The following LRCH1 variants were observed in gnomAD, a reference collection of about 807,000 sequenced individuals.
LRCH1 encodes leucine-rich repeat and calponin homology domain-containing protein 1.
A neutral mutation model predicts 94.9 loss-of-function variants in LRCH1; 23 were observed. That is an observed-to-expected ratio of 0.24 (90% CI 0.17 to 0.34). LRCH1 has a LOEUF of 0.34. Among genes scored for constraint, LRCH1 ranks in the 10% least tolerant of loss-of-function variants. The pLI is 1.00. For missense variants in LRCH1, 790 were observed against 945.9 expected (o/e 0.84, Z 2.16); for synonymous variants, 364 against 354.9 (o/e 1.03, Z -0.29).
intron 1 of LRCH1, among the ~76,000 whole-genome samples, chr13:46,586,840 G>C (rs1355166211): frequency 6.6e-6 from 1 of 152,240 alleles, no homozygotes; most frequent in Non-Finnish European, 1.5e-5. Context: ...GGCATGAGCA[G>C]CTTTCTCAGG....
At chr13:46,605,927 G>A (rs1354189214) in intron 1 of LRCH1, among the ~76,000 whole-genome samples, 1 of 152,140 alleles carries the variant, frequency 6.6e-6, no homozygotes, top group African/African-American at 2.4e-5. Context: ...GATATTGTCG[G>A]GTTCAATATT....
chr13:46,571,238 A>G, intron 1 of LRCH1, among the ~76,000 whole-genome samples: 1 of 152,234 alleles, frequency 6.6e-6, no homozygotes, highest in Admixed American at 6.5e-5. Context: ...CGAGTCATCC[A>G]GCATGAGGGA....
chr13:46,554,078 T>A (rs1331084158), intron 1 of LRCH1, among the ~76,000 whole-genome samples: 1 of 152,236 alleles, frequency 6.6e-6, no homozygotes, highest in East Asian at 1.9e-4. Flanking sequence ...CTGTGTCGGC[T>A]TCCTGGGCCC....
At chr13:46,689,466 A>G (rs1484774017) in intron 7 of LRCH1, among the ~76,000 whole-genome samples, 2 of 152,180 alleles carry the variant, frequency 1.3e-5, no homozygotes, top group Non-Finnish European at 2.9e-5. Context: ...CACATTATCT[A>G]AAATATTATT....
chr13:46,713,948 A>G (rs1008178198), intron 15 of LRCH1, among the ~76,000 whole-genome samples: 1 of 152,344 alleles, frequency 6.6e-6, no homozygotes, highest in African/African-American at 2.4e-5. Flanking sequence ...GAGCAAATCA[A>G]AAGTTGAATG....
intron 2 of LRCH1, among the ~76,000 whole-genome samples, chr13:46,654,652 C>T (rs1265586948): frequency 2.0e-5 from 3 of 152,098 alleles, no homozygotes; most frequent in South Asian, 2.1e-4. Flanking sequence ...ATGGGGAAGT[C>T]GGTGTGAATT....
intron 1 of LRCH1, among the ~76,000 whole-genome samples, chr13:46,582,536 G>A (rs2050382224): frequency 1.3e-5 from 2 of 148,780 alleles, no homozygotes; most frequent in African/African-American, 5.0e-5. Context: ...CCCTGCTGGA[G>A]TGCAGTGACA....
intron 1 of LRCH1, among the ~76,000 whole-genome samples, chr13:46,591,998 A>T (rs910112839): frequency 6.6e-6 from 1 of 152,214 alleles, no homozygotes; most frequent in Non-Finnish European, 1.5e-5. Flanking sequence ...ATTGGAATCA[A>T]AAATAGAGTA....
At chr13:46,593,041 G>C (rs1258531990) in intron 1 of LRCH1, among the ~76,000 whole-genome samples, 3 of 151,370 alleles carry the variant, frequency 2.0e-5, no homozygotes, top group African/African-American at 7.3e-5. Flanking sequence ...CCCCAATGTA[G>C]CCTTTCCTGC....
intron 1 of LRCH1, among the ~76,000 whole-genome samples, chr13:46,571,412 G>A (rs1049425642): frequency 6.6e-5 from 10 of 152,196 alleles, no homozygotes; most frequent in East Asian, 1.9e-4. Context: ...TTCAAGTGGC[G>A]ACGAGTACCA....
intron 18 of LRCH1, among the ~76,000 whole-genome samples, chr13:46,730,049 A>C (rs1873021965): frequency 6.6e-6 from 1 of 152,218 alleles, no homozygotes; most frequent in African/African-American, 2.4e-5. Context: ...ATGGTTGTTC[A>C]GATGAAAGTG....
intron 1 of LRCH1, among the ~76,000 whole-genome samples, chr13:46,623,693 G>T (rs199913276): frequency 2.8e-4 from 36 of 128,490 alleles, no homozygotes; most frequent in South Asian, 2.0e-3. Context: ...CCCTGTCTCT[G>T]TTTTTTTTTT....
chr13:46,742,092 C>T lies in LRCH1; in HGVS notation c.*244C>T, dbSNP rs1015201125. 1.5e-5 allele frequency: 20 copies of T among 1,348,626 alleles called. No homozygotes were observed. Among genetic ancestry groups the T allele is most frequent in the Admixed American group, 3.2e-5 (1 of 30,972 alleles). The allele number at this position is 1,348,626 out of a possible 1,614,324, so 83.5% of individuals were successfully genotyped here. ...CGACGACTGCAAAGTGTATGCACAC[C>T]GCATGCTTCCTCATCCACATAGTGC... On this transcript the variant is annotated 3_prime_UTR_variant, in exon 20 of 20. Transcript: ENST00000389797.
At chr13:46,579,772 G>A (rs889702807) in intron 1 of LRCH1, among the ~76,000 whole-genome samples, 1 of 152,202 alleles carries the variant, frequency 6.6e-6, no homozygotes, top group Non-Finnish European at 1.5e-5. Context: ...CCTGAGTAAT[G>A]CGAACATCTG....
intron 1 of LRCH1, among the ~76,000 whole-genome samples, chr13:46,617,487 A>T (rs1330524132): frequency 1.3e-5 from 2 of 152,170 alleles, no homozygotes; most frequent in African/African-American, 4.8e-5. Flanking sequence ...GGGTCATGTG[A>T]GCTGCACATT....
intron 1 of LRCH1, among the ~76,000 whole-genome samples, chr13:46,635,014 A>G (rs1295694141): frequency 6.6e-6 from 1 of 152,196 alleles, no homozygotes; most frequent in Non-Finnish European, 1.5e-5. Context: ...AGTTTTGAAA[A>G]GTTATTATTA....
intron 1 of LRCH1, among the ~76,000 whole-genome samples, chr13:46,598,807 T>C (rs576591869): frequency 6.6e-6 from 1 of 152,320 alleles, no homozygotes; most frequent in African/African-American, 2.4e-5. Flanking sequence ...CAATGCTCTA[T>C]GGTATAAAAA....
intron 13 of LRCH1, chr13:46,705,587 A>G (rs546487007): frequency 8.9e-6 from 5 of 561,768 alleles, no homozygotes; most frequent in Non-Finnish European, 1.6e-5. Context: ...AGCGATGGCA[A>G]CTAAAATACA....
At chr13:46,752,793 T>C (rs938704980) in exon 19 of LRCH1, 2 of 152,212 alleles carry the variant, frequency 1.3e-5, no homozygotes, top group Non-Finnish European at 2.9e-5. Context: ...TCTTTTGATA[T>C]TAATTTTTAT....
Sources: allele counts gnomAD v4.1 joint callset (sites outside exome capture counted in the v4.1 genomes callset), GRCh38; gene constraint gnomAD v4.1.1; transcripts MANE v1.5; gene names NCBI Gene and HGNC (gene_info 2026-07-23, HGNC 2026-07-21).